Variants in NFASC observed in about 807,000 individuals in gnomAD.
NFASC encodes neurofascin homolog.
NFASC carries 43 observed loss-of-function variants against 147.5 expected under a neutral mutation model. The observed-to-expected ratio is 0.29, with a 90% CI of 0.23 to 0.38. The LOEUF (loss-of-function observed/expected upper bound fraction) is 0.38. Ranked by LOEUF, NFASC falls within the 10% of genes least tolerant of loss-of-function variation. The pLI, the probability that NFASC is intolerant of heterozygous loss-of-function variation, is 1.00. For missense variants in NFASC, 1,320 were observed against 1,689.0 expected, an observed-to-expected ratio of 0.78 and a Z score of 3.83; for synonymous variants, 622 against 665.5, an observed-to-expected ratio of 0.93 and a Z score of 1.01.
chr1:204,866,639 G>T (rs1558518994), intron 1 of NFASC, among the ~76,000 whole-genome samples: 1 of 152,326 alleles, frequency 6.6e-6, no homozygotes, highest in East Asian at 1.9e-4. Flanking sequence ...ACAGCTTGCT[G>T]CATAGGTGAA....
intron 27 of NFASC, among the ~76,000 whole-genome samples, chr1:205,005,555 C>T (rs993350520): frequency 1.8e-4 from 27 of 152,184 alleles, no homozygotes; most frequent in African/African-American, 9.7e-5. Context: ...TTACTGGATC[C>T]GTTAGGAATC....
chr1:204,868,235 A>C lies in NFASC; in HGVS notation c.-200+39453A>C, dbSNP rs147983417. Among the ~76,000 whole-genome samples, 7 of 152,352 alleles carry C rather than the reference A, an allele frequency of 4.6e-5. No individual in the cohort carries two copies. In the East Asian group the frequency reaches 1.3e-3, roughly 29 times the overall value. Reference sequence around the variant, plus strand: ...GTCCCTGTGGGCTGCACTTGGCCACAGGATCAACAGTTCCCCTAAGTCATT... The same window carrying C: ...GTCCCTGTGGGCTGCACTTGGCCACCGGATCAACAGTTCCCCTAAGTCATT... On this transcript the variant is annotated intron_variant, in intron 1 of 29. Transcript: ENST00000339876.
intron 8 of NFASC, among the ~76,000 whole-genome samples, chr1:204,959,446 C>T (rs562031937): frequency 1.5e-3 from 226 of 152,364 alleles, no homozygotes; most frequent in South Asian, 6.2e-3. Flanking sequence ...ATCAGGGTGA[C>T]TGCCTGCCAG....
chr1:205,001,792 G>T (rs1230461581), intron 26 of NFASC, among the ~76,000 whole-genome samples: 3 of 152,216 alleles, frequency 2.0e-5, no homozygotes, highest in Non-Finnish European at 2.9e-5. Context: ...CTTTGCTGGA[G>T]CTTGGGACCA....
At chr1:204,921,315 G>A (rs913450903) in intron 2 of NFASC, among the ~76,000 whole-genome samples, 1 of 152,202 alleles carries the variant, frequency 6.6e-6, no homozygotes, top group Non-Finnish European at 1.5e-5. Flanking sequence ...CCTGGTAGCC[G>A]GGGAGGACAT....
intron 1 of NFASC, among the ~76,000 whole-genome samples, chr1:204,890,300 C>T (rs1487235200): frequency 6.6e-6 from 1 of 152,196 alleles, no homozygotes; most frequent in Non-Finnish European, 1.5e-5. Flanking sequence ...GCTGTGAGAC[C>T]TGCTGCATGC....
chr1:204,994,317 A>G (rs147132749), intron 24 of NFASC, among the ~76,000 whole-genome samples: 72 of 152,366 alleles, frequency 4.7e-4, no homozygotes, highest in African/African-American at 1.3e-3. Context: ...AATGCAGTGT[A>G]GAAACATCTT....
Position 204,987,310 on chromosome 1 carries a change from G to A in NFASC, c.2471-108G>A. Reference sequence around the variant, plus strand: ...TCAGTTTAGCAGTGTCGAGCATGGGGGTTGTCCAGAGGTCAATGCCTTCAT... The same window carrying A: ...TCAGTTTAGCAGTGTCGAGCATGGGAGTTGTCCAGAGGTCAATGCCTTCAT... On this transcript the variant is annotated intron_variant, in intron 21 of 29. Transcript: ENST00000339876. The surrounding 1 kb of genome is among the most constrained non-coding windows in gnomAD (Gnocchi z 4.4). The A allele has an allele frequency of 9.4e-7, 1 of 1,058,794 alleles. No homozygotes were observed. Among genetic ancestry groups the A allele is most frequent in the Non-Finnish European group, 1.4e-6 (1 of 714,726 alleles). 65.6% of individuals were successfully genotyped at this position (1,058,794 alleles called of 1,614,324 possible). A position where few individuals can be genotyped will look rare whatever the true frequency, so the allele number is the denominator to read the frequency against.
At position 204,887,830 on chromosome 1, in the gene NFASC, C is replaced by T. The variant is rs144041336; in HGVS notation, c.-199-32802C>T. Among the ~76,000 whole-genome samples the T allele has an allele frequency of 5.1e-3, 776 of 151,956 alleles. 5 individuals are homozygous for T. Among genetic ancestry groups the T allele is most frequent in the African/African-American group, 0.018 (735 of 41,438 alleles). ...CCAGGCTGGTCTCAAACTCCTGGGC[C>T]CAAGCAATCAGCCCGCCTTGGCCTC... On this transcript the variant is annotated intron_variant, in intron 1 of 29. Transcript: ENST00000339876.
Position 205,022,816 on chromosome 1 carries a change from A to G in NFASC, c.*6277A>G, listed in dbSNP as rs935245746. The G allele has an allele frequency of 6.6e-6, 1 of 152,652 alleles. No individual in the cohort carries two copies. The highest frequency in any genetic ancestry group is 1.5e-5 in the Non-Finnish European group (1 of 68,044). 9.5% of individuals were successfully genotyped at this position (152,652 alleles called of 1,614,324 possible). ...CTAAACGTATAATAAAAGTTGTTCA[A>G]AATGGACTCTTGCCATGTGATTTGC... On this transcript the variant is annotated 3_prime_UTR_variant, in exon 30 of 30. Transcript: ENST00000339876.
chr1:204,849,078 A>G (rs974013951), intron 1 of NFASC, among the ~76,000 whole-genome samples: 5 of 152,188 alleles, frequency 3.3e-5, no homozygotes, highest in Non-Finnish European at 7.3e-5. Context: ...ATTGGTGTCT[A>G]CCTTCAGTCT....
intron 1 of NFASC, among the ~76,000 whole-genome samples, chr1:204,890,432 C>T (rs866119215): frequency 2.6e-5 from 4 of 151,960 alleles, no homozygotes; most frequent in Non-Finnish European, 2.9e-5. Flanking sequence ...AAAGTGGGCA[C>T]GGGAAACTTA....
chr1:204,928,643 A>G (rs1237560219), intron 2 of NFASC, among the ~76,000 whole-genome samples: 1 of 152,198 alleles, frequency 6.6e-6, no homozygotes, highest in Non-Finnish European at 1.5e-5. Flanking sequence ...AACAACTTAA[A>G]GGTCCATAAC....
At chr1:204,916,694 C>T (rs2089327817) in intron 1 of NFASC, among the ~76,000 whole-genome samples, 1 of 150,676 alleles carries the variant, frequency 6.6e-6, no homozygotes, top group Admixed American at 6.7e-5. Flanking sequence ...GTTTGACTCA[C>T]ATGGATTCTT....
chr1:204,941,116 A>G (rs1224849964), intron 2 of NFASC, among the ~76,000 whole-genome samples: 3 of 152,198 alleles, frequency 2.0e-5, no homozygotes, highest in Non-Finnish European at 4.4e-5. Context: ...GAGTCAAGAA[A>G]CCTGGGTTCT....
At position 205,016,736 on chromosome 1, in the gene NFASC, G is replaced by C; in HGVS notation, c.*197G>C. 1 of 651,322 alleles carries C rather than the reference G, an allele frequency of 1.5e-6. No homozygotes were observed. The allele number at this position is 651,322 out of a possible 1,614,324, so 40.3% of individuals were successfully genotyped here. A position where few individuals can be genotyped will look rare whatever the true frequency, so the allele number is the denominator to read the frequency against. On this transcript the variant is annotated 3_prime_UTR_variant, in exon 30 of 30. Coordinates refer to ENST00000339876, the MANE Select transcript of NFASC (RefSeq NM_001005388.3). This position sits in a 1 kb window ranked among gnomAD's most constrained non-coding sequence, Gnocchi z 5.1. ...CTCCCAATGACCCCCCTTCAGCCCC[G>C]GGTGCCACCAGTGTGGGAGAGCTGG...
intron 2 of NFASC, among the ~76,000 whole-genome samples, chr1:204,931,018 G>T (rs913064395): frequency 4.6e-5 from 7 of 152,106 alleles, no homozygotes; most frequent in African/African-American, 1.7e-4. Context: ...TGTCCTGGAT[G>T]ACAAATGTAA....
At chr1:204,997,517 G>A (rs1400388179) in intron 25 of NFASC, 111 bp downstream of exon 25, 15 of 1,173,236 alleles carry the variant, frequency 1.3e-5, no homozygotes, top group Non-Finnish European at 1.9e-5. Flanking sequence ...GGTGGTGTTT[G>A]CCACCACCTC....
rs867205498 is a variant in NFASC at position 204,993,663 on chromosome 1, C to T, written c.2782+2357C>T. 25 of 459,542 alleles carry T rather than the reference C, an allele frequency of 5.4e-5. No homozygotes were observed. In the East Asian group the frequency reaches 8.7e-4, roughly 16 times the overall value. 28.5% of individuals were successfully genotyped at this position (459,542 alleles called of 1,614,324 possible). A position where few individuals can be genotyped will look rare whatever the true frequency, so the allele number is the denominator to read the frequency against. ...CCTTAGCTAACAGAGAGTCTCTGCC[C>T]GCTGTCCTTGGTCGCCAGGCTGATG... On this transcript the variant is annotated intron_variant, in intron 24 of 29. Transcript: ENST00000339876.
Sources: gnomAD v4.1 joint callset for allele counts (sites outside exome capture counted in the v4.1 genomes callset) on GRCh38, gnomAD v4.1.1 for gene constraint, Gnocchi (gnomAD v3.1) non-coding constraint, MANE v1.5 for transcripts, NCBI Gene and HGNC (gene_info 2026-07-23, HGNC 2026-07-21) for gene names.